HDAC9: variants seen among roughly 807,000 people sequenced by gnomAD.
HDAC9 encodes MEF-2 interacting transcription repressor (MITR) protein.
Under a neutral mutation model 139.4 loss-of-function variants are expected in HDAC9, and 41 were observed. That is an observed-to-expected ratio of 0.29 (90% CI 0.23 to 0.38). The LOEUF (loss-of-function observed/expected upper bound fraction) is 0.38, where lower values mean the gene tolerates loss of function less well. Among genes scored for constraint, HDAC9 ranks in the 10% least tolerant of loss-of-function variants. The pLI, the probability that HDAC9 is intolerant of heterozygous loss-of-function variation, is 1.00. For missense variants in HDAC9, 1,147 were observed against 1,297.0 expected (o/e 0.88, Z 1.78); for synonymous variants, 517 against 476.2 (o/e 1.09, Z -1.12).
intron 1 of HDAC9, among the ~76,000 whole-genome samples, chr7:18,154,171 TG>T (rs1397408902): frequency 6.6e-6 from 1 of 152,194 alleles, no homozygotes; most frequent in Non-Finnish European, 1.5e-5. Context: ...TCTATTCGAA[TG>T]TTTTTCTTTC....
At chr7:18,583,277 C>T (rs1470469825) in intron 2 of HDAC9, among the ~76,000 whole-genome samples, 6 of 152,170 alleles carry the variant, frequency 3.9e-5, no homozygotes, top group East Asian at 1.9e-4. Flanking sequence ...CTCCAAGTTA[C>T]GGATGAGGGA....
At chr7:18,635,116 C>T (rs1008106903) in intron 8 of HDAC9, among the ~76,000 whole-genome samples, 1 of 151,762 alleles carries the variant, frequency 6.6e-6, no homozygotes, top group African/African-American at 2.4e-5. Flanking sequence ...AGTGATCCTC[C>T]GTGCACACTG....
At chr7:18,961,698 TA>T (rs1783538673) in intron 24 of HDAC9, among the ~76,000 whole-genome samples, 1 of 152,182 alleles carries the variant, frequency 6.6e-6, no homozygotes, top group South Asian at 2.1e-4. Flanking sequence ...TATTAAAAAT[TA>T]ATTTGTTTAA....
chr7:18,547,526 T>C (rs528083696), intron 2 of HDAC9, among the ~76,000 whole-genome samples: 10 of 152,262 alleles, frequency 6.6e-5, no homozygotes, highest in Admixed American at 1.3e-4. Context: ...TGAGCCACCA[T>C]GCCCGGCCGA....
chr7:18,277,101 A>C (rs896979986), intron 2 of HDAC9, among the ~76,000 whole-genome samples: 5 of 152,204 alleles, frequency 3.3e-5, no homozygotes. Context: ...AAAACAAAAC[A>C]AAAAACAAAA....
chr7:18,334,855 G>T (rs542877382), intron 1 of HDAC9, among the ~76,000 whole-genome samples: 33 of 151,558 alleles, frequency 2.2e-4, no homozygotes, highest in Middle Eastern at 6.8e-3. Context: ...TGGGTCCAGA[G>T]ATTACAGGCG....
At chr7:18,316,435 A>G (rs1444860814) in intron 1 of HDAC9, among the ~76,000 whole-genome samples, 1 of 152,012 alleles carries the variant, frequency 6.6e-6, no homozygotes, top group Non-Finnish European at 1.5e-5. Flanking sequence ...TGCATTCTAT[A>G]ATGGTTTTGT....
Position 18,162,197 on chromosome 7 carries a change from A to G in HDAC9, c.-96-32A>G, listed in dbSNP as rs1787674161. 5.1e-6 allele frequency: 4 copies of G among 790,612 alleles called. No homozygotes were observed. In the East Asian group the frequency reaches 8.1e-5, roughly 16 times the overall value. The allele number at this position is 790,612 out of a possible 1,614,324, so 49.0% of individuals were successfully genotyped here. On this transcript the variant is annotated intron_variant, in intron 1 of 12. Transcript: ENST00000417496. The stretch of plus-strand genomic sequence containing the variant: ...TTCAGTGTGACTTGATATAGCTTGT[A>G]TCTTAAACACTGCATTTTTCTTATG...
chr7:18,469,823 A>T (rs1017970968), intron 1 of HDAC9, among the ~76,000 whole-genome samples: 26 of 152,176 alleles, frequency 1.7e-4, no homozygotes, highest in African/African-American at 6.3e-4. Flanking sequence ...ATTATATATT[A>T]TAGAAACAAC....
chr7:18,572,321 C>G (rs1824566654), intron 2 of HDAC9, among the ~76,000 whole-genome samples: 1 of 146,164 alleles, frequency 6.8e-6, no homozygotes, highest in Non-Finnish European at 1.5e-5. Flanking sequence ...ATAAATATGT[C>G]ATATTCACAA....
chr7:18,636,958 G>C (rs1784085583), intron 8 of HDAC9, among the ~76,000 whole-genome samples: 1 of 151,904 alleles, frequency 6.6e-6, no homozygotes, highest in African/African-American at 2.4e-5. Flanking sequence ...AAACAGCAAA[G>C]GATCTGGGTT....
intron 17 of HDAC9, among the ~76,000 whole-genome samples, chr7:18,794,903 A>G (rs1792647126): frequency 6.6e-6 from 1 of 152,222 alleles, no homozygotes; most frequent in Non-Finnish European, 1.5e-5. Flanking sequence ...GTTAGCTTTC[A>G]CAATTTCTAA....
chr7:18,705,332 A>G (rs531811928), intron 12 of HDAC9, among the ~76,000 whole-genome samples: 2 of 151,996 alleles, frequency 1.3e-5, no homozygotes, highest in Non-Finnish European at 1.5e-5. Flanking sequence ...CTTCTTCCCT[A>G]CCTCACACCC....
intron 1 of HDAC9, among the ~76,000 whole-genome samples, chr7:18,381,286 T>C (rs1345907674): frequency 6.7e-6 from 1 of 149,858 alleles, no homozygotes; most frequent in Non-Finnish European, 1.5e-5. Context: ...AGAAACACAA[T>C]TTTATTCTGG....
chr7:18,183,269 A>C (rs1789637727), intron 2 of HDAC9, among the ~76,000 whole-genome samples: 2 of 152,174 alleles, frequency 1.3e-5, no homozygotes, highest in South Asian at 4.1e-4. Context: ...TCGGCCTCCC[A>C]AAGTGCTGGG....
chr7:18,089,205 A>T (rs1781990108), intron 1 of HDAC9, among the ~76,000 whole-genome samples: 1 of 142,146 alleles, frequency 7.0e-6, no homozygotes, highest in South Asian at 2.2e-4. Context: ...TGGGTAGGAG[A>T]CAGATTTTTT....
intron 12 of HDAC9, among the ~76,000 whole-genome samples, chr7:18,688,718 G>T (rs1156304934): frequency 6.6e-6 from 1 of 151,826 alleles, no homozygotes; most frequent in Non-Finnish European, 1.5e-5. Flanking sequence ...CGAAAAACTA[G>T]AAGAAGCACA....
chr7:18,138,763 AGT>A (rs1171144917), intron 1 of HDAC9, among the ~76,000 whole-genome samples: 1 of 152,120 alleles, frequency 6.6e-6, no homozygotes, highest in Non-Finnish European at 1.5e-5. Context: ...CTCACATCAC[AGT>A]GTAAGAAATT....
intron 1 of HDAC9, among the ~76,000 whole-genome samples, chr7:18,470,262 A>G (rs1392033388): frequency 6.6e-6 from 1 of 151,588 alleles, no homozygotes; most frequent in Non-Finnish European, 1.5e-5. Flanking sequence ...GCAGTGAGCT[A>G]TGGTTGCACC....
Sources: allele counts gnomAD v4.1 joint callset (sites outside exome capture counted in the v4.1 genomes callset), GRCh38; gene constraint gnomAD v4.1.1; transcripts MANE v1.5; gene names NCBI Gene and HGNC (gene_info 2026-07-23, HGNC 2026-07-21).